THAP8: variants seen among roughly 807,000 people sequenced by gnomAD.
The protein encoded by THAP8 is THAP domain-containing protein 8.
A neutral mutation model predicts 25.0 loss-of-function variants in THAP8; 24 were observed. The observed-to-expected ratio is 0.96, with a 90% CI of 0.69 to 1.35. The LOEUF (loss-of-function observed/expected upper bound fraction) is 1.35. Among genes scored for constraint, THAP8 ranks in the 40% most tolerant of loss-of-function variants. The probability of loss-of-function intolerance (pLI) is 0.00; values close to 1 mark genes in which losing one functional copy is unlikely to be tolerated. For missense variants in THAP8, 399 were observed against 368.8 expected (o/e 1.08, Z -0.67); for synonymous variants, 169 against 157.6 (o/e 1.07, Z -0.54).
chr19:36,053,853 T>G (rs1372262856), intron 1 of THAP8, among the ~76,000 whole-genome samples: 2 of 152,154 alleles, frequency 1.3e-5, no homozygotes, highest in Non-Finnish European at 2.9e-5. Flanking sequence ...AGTGGGCATC[T>G]GCAGGCTCTC....
At chr19:36,048,732 C>T (rs1160732778) in intron 1 of THAP8, among the ~76,000 whole-genome samples, 2 of 150,718 alleles carry the variant, frequency 1.3e-5, no homozygotes, top group Non-Finnish European at 1.5e-5. Context: ...CCTATAGTCG[C>T]AGCTACTCAG....
In THAP8 at chr19:36,039,367, C is replaced by T. The variant is rs770198368; in HGVS notation, c.628G>A (p.Gly210Arg). The change falls in exon 3 of 4, where the codon GGG (glycine) becomes AGG (arginine). Residue 210 changes from glycine (G) to arginine (R), a missense_variant. Gly to Arg is a moderately radical substitution (Grantham distance 125). Transcript: ENST00000292894. ...CGTGCCCGTGCCAGCAGGCTCTCCC[C>T]GTGTAGCTGCTGTGCCAGCCGTTCC... ...ALERLAQQLH[G>R]ESLLARARRG... 23 of 1,535,512 alleles carry T rather than the reference C, an allele frequency of 1.5e-5. No homozygotes were observed. The highest frequency in any genetic ancestry group is 5.5e-5 in the African/African-American group (4 of 73,076).
intron 1 of THAP8, among the ~76,000 whole-genome samples, chr19:36,041,586 AAAC>A (rs1969695172): frequency 6.6e-6 from 1 of 152,194 alleles, no homozygotes; most frequent in South Asian, 2.1e-4. Flanking sequence ...ACAAGTCTTT[AAAC>A]AACTCAACAA....
At position 36,035,585 on chromosome 19, in the gene THAP8, G is replaced by A; in HGVS notation, c.680C>T (p.Ala227Val). 1 of 1,613,742 alleles carries A rather than the reference G, an allele frequency of 6.2e-7. No individual in the cohort carries two copies. The highest frequency in any genetic ancestry group is 8.5e-7 in the Non-Finnish European group (1 of 1,179,802). The change falls in exon 4 of 4, where the codon GCC (alanine) becomes GTC (valine). Residue 227 changes from alanine (A) to valine (V), a missense_variant. Transcript: ENST00000292894. ...GGATTCCTCAGGTCCAAGGGTCTGG[G>A]CTGTTGTCTAAGGCAAAGAAGTGGT... Reference protein sequence around the residue: ...ARRGLQRLTTAQTLGPEESQT... With the variant: ...ARRGLQRLTTVQTLGPEESQT...
intron 3 of THAP8, 76 bp downstream of exon 3, chr19:36,039,247 C>T: frequency 1.4e-6 from 2 of 1,393,550 alleles, no homozygotes; most frequent in Non-Finnish European, 1.9e-6. Flanking sequence ...AATAGGGGAT[C>T]CTAGACAAAA....
chr19:36,051,795 G>A (rs548885011), intron 1 of THAP8, among the ~76,000 whole-genome samples: 37 of 152,214 alleles, frequency 2.4e-4, no homozygotes, highest in African/African-American at 7.7e-4. Flanking sequence ...GGCTACAGAC[G>A]GGTACCAGTC....
chr19:36,042,591 A>C (rs1033582002), intron 1 of THAP8, among the ~76,000 whole-genome samples: 6 of 152,262 alleles, frequency 3.9e-5, no homozygotes, highest in Non-Finnish European at 7.3e-5. Context: ...TGATCACATT[A>C]CTGCACTCTA....
At chr19:36,038,777 G>A (rs1303811041) in intron 3 of THAP8, among the ~76,000 whole-genome samples, 1 of 151,930 alleles carries the variant, frequency 6.6e-6, no homozygotes, top group Non-Finnish European at 1.5e-5. Flanking sequence ...CTTGAACCTG[G>A]GAGGCAGAGG....
rs1352207378 is a variant in THAP8 at position 36,035,445 on chromosome 19, C to T, written c.820G>A (p.Ala274Thr). Residue 274 changes from alanine to threonine, a missense_variant, in exon 4 of 4, where the codon GCA becomes ACA. Transcript: ENST00000292894. ...GACATTGTCTGTCTTGATCCTTATG[C>T]ACTGGGGATCCGAGTGTCCAGGAGC... is the stretch of plus-strand genomic sequence containing the variant. The part of the protein sequence containing the change: ...PELLDTRIPS[A>T] 1 of 1,613,502 alleles carries T rather than the reference C, an allele frequency of 6.2e-7. No individual in the cohort carries two copies.
intron 1 of THAP8, among the ~76,000 whole-genome samples, chr19:36,050,359 G>A (rs1416833005): frequency 6.6e-6 from 1 of 152,080 alleles, no homozygotes; most frequent in Non-Finnish European, 1.5e-5. Context: ...GCCCAGGCTG[G>A]TCTCAAATTG....
At chr19:36,044,899 G>A (rs1475953053) in intron 1 of THAP8, among the ~76,000 whole-genome samples, 3 of 152,004 alleles carry the variant, frequency 2.0e-5, no homozygotes, top group African/African-American at 7.3e-5. Flanking sequence ...AAAAGAATAC[G>A]ATGCAGCTAT....
Position 36,041,128 on chromosome 19 carries a change from T to C in THAP8, c.84-992A>G, listed in dbSNP as rs144307526. ...GAGTTCGAGACCAGCCTGGGCAACA[T>C]AGGGAGACCTCGACTCTACAAAAAA... On this transcript the variant is annotated intron_variant, in intron 1 of 3. Coordinates refer to ENST00000292894, the MANE Select transcript of THAP8 (RefSeq NM_152658.3). Among the ~76,000 whole-genome samples, 1,249 of 147,218 alleles carry C rather than the reference T, an allele frequency of 8.5e-3. 25 individuals carry two copies. The highest frequency in any genetic ancestry group is 0.031 in the African/African-American group (1,212 of 39,618).
intron 1 of THAP8, among the ~76,000 whole-genome samples, chr19:36,046,747 C>T (rs1221439156): frequency 1.3e-5 from 2 of 152,364 alleles, no homozygotes; most frequent in Middle Eastern, 3.4e-3. Flanking sequence ...CAATGGACTA[C>T]TCGTATCTAC....
At chr19:36,039,802 G>A in intron 2 of THAP8, 84 bp from the exon 3 acceptor site, 2 of 1,506,696 alleles carry the variant, frequency 1.3e-6, no homozygotes, top group East Asian at 2.4e-5. Flanking sequence ...GTTTCCAAGG[G>A]GGACTTGCCT....
chr19:36,048,657 G>A (rs1049598961), intron 1 of THAP8, among the ~76,000 whole-genome samples: 1 of 151,474 alleles, frequency 6.6e-6, no homozygotes, highest in African/African-American at 2.4e-5. Context: ...GAGCCACCGC[G>A]CCCAGCCCAA....
intron 1 of THAP8, among the ~76,000 whole-genome samples, chr19:36,041,312 TAAAAAAAAA>T (rs76247583): frequency 1.0e-4 from 14 of 140,246 alleles, no homozygotes; most frequent in Non-Finnish European, 1.9e-4. Flanking sequence ...ACCCTGTCTT[TAAAAAAAAA>T]AAAAAAAAAT....
At position 36,046,196 on chromosome 19, in the gene THAP8, A is replaced by C. The variant is rs1969876049; in HGVS notation, c.84-6060T>G. Among the ~76,000 whole-genome samples, 4 of 152,086 alleles carry C rather than the reference A, an allele frequency of 2.6e-5. No homozygotes were observed. The South Asian group carries it at 8.3e-4, about 32-fold the overall frequency. ...AGTTCTCATGAGATCTGATGGTTTAAAAGTGGCAGTTCCCCTCTTGCTCTC... is the reference window on the plus strand; with the variant it reads ...AGTTCTCATGAGATCTGATGGTTTACAAGTGGCAGTTCCCCTCTTGCTCTC... On this transcript the variant is annotated intron_variant, in intron 1 of 3. Coordinates refer to ENST00000292894, the MANE Select transcript of THAP8 (RefSeq NM_152658.3).
intron 1 of THAP8, 46 bp from the exon 2 acceptor site, chr19:36,040,182 CTT>C (rs1256721269): frequency 6.5e-7 from 1 of 1,539,752 alleles, no homozygotes; most frequent in South Asian, 1.2e-5. Flanking sequence ...GAGGTTCAGA[CTT>C]ATCCCTCCCA....
chr19:36,044,552 C>T (rs536849522), intron 1 of THAP8, among the ~76,000 whole-genome samples: 3 of 152,056 alleles, frequency 2.0e-5, no homozygotes, highest in Admixed American at 6.6e-5. Flanking sequence ...TGCAGAGGCA[C>T]GATCATGGCT....
Sources: allele counts gnomAD v4.1 joint callset (sites outside exome capture counted in the v4.1 genomes callset), GRCh38; gene constraint gnomAD v4.1.1; transcripts MANE v1.5; gene names NCBI Gene and HGNC (gene_info 2026-07-23, HGNC 2026-07-21).